RBFOX1: variants seen among roughly 807,000 people sequenced by gnomAD.
The protein encoded by RBFOX1 is RNA binding protein fox-1 homolog 1.
A neutral mutation model predicts 57.7 loss-of-function variants in RBFOX1; 8 were observed. The observed-to-expected ratio is 0.14, with a 90% confidence interval of 0.08 to 0.25. RBFOX1 has a LOEUF of 0.25. Among genes scored for constraint, RBFOX1 ranks in the 10% least tolerant of loss-of-function variants. RBFOX1 has a pLI of 1.00. For missense variants in RBFOX1, 611 were observed against 548.5 expected (o/e 1.11, Z -1.14); for synonymous variants, 326 against 222.4 (o/e 1.47, Z -4.15).
At chr16:7,586,426 A>T (rs1222430478) in intron 6 of RBFOX1, among the ~76,000 whole-genome samples, 4 of 152,228 alleles carry the variant, frequency 2.6e-5, no homozygotes, top group African/African-American at 9.6e-5. Context: ...TGGGACTTCC[A>T]GATTTCACAA....
chr16:6,395,941 C>T (rs2092812483), intron 2 of RBFOX1, among the ~76,000 whole-genome samples: 1 of 151,442 alleles, frequency 6.6e-6, no homozygotes, highest in Non-Finnish European at 1.5e-5. Context: ...TGGCGTGCAC[C>T]TGTAGTCCCA....
At chr16:6,895,462 A>G (rs1417039155) in intron 3 of RBFOX1, among the ~76,000 whole-genome samples, 14 of 94,768 alleles carry the variant, frequency 1.5e-4, no homozygotes, top group Middle Eastern at 5.8e-3. Flanking sequence ...ATATATATAT[A>G]TATATATATA....
chr16:5,718,113 T>C (rs9932047), intron 3 of RBFOX1, among the ~76,000 whole-genome samples: 15,704 of 152,254 alleles, frequency 0.1, 2,716 homozygotes, highest in African/African-American at 0.36. Flanking sequence ...AGGGCAAGCA[T>C]TTCTTTACAT....
chr16:7,002,089 G>C (rs138696733), intron 3 of RBFOX1, among the ~76,000 whole-genome samples: 52 of 148,096 alleles, frequency 3.5e-4, no homozygotes, highest in African/African-American at 1.1e-3. Context: ...GCTCTTAGAC[G>C]CTATGGAGAA....
intron 3 of RBFOX1, among the ~76,000 whole-genome samples, chr16:5,623,353 G>A (rs2048254541): frequency 6.6e-6 from 1 of 152,076 alleles, no homozygotes; most frequent in Non-Finnish European, 1.5e-5. Flanking sequence ...GCATTTTCCT[G>A]GGCCCTTCCA....
intron 4 of RBFOX1, among the ~76,000 whole-genome samples, chr16:7,296,368 C>A (rs2095890600): frequency 6.7e-6 from 1 of 149,992 alleles, no homozygotes; most frequent in Non-Finnish European, 1.5e-5. Flanking sequence ...GAATGTACTA[C>A]CTTGGCAAGA....
At position 7,160,470 on chromosome 16, in the gene RBFOX1, G is replaced by A. The variant is rs568076966; in HGVS notation, c.27+108372G>A. 4.6e-5 allele frequency among the ~76,000 whole-genome samples: 7 copies of A among 151,776 alleles called. No individual in the cohort carries two copies. The South Asian group carries it at 8.3e-4, about 18-fold the overall frequency. ...AAATAATGTACATTAAATGTGTAAC[G>A]TGCAGCATGAACTACATTTTATACA... is the stretch of plus-strand genomic sequence containing the variant. On this transcript the variant is annotated intron_variant, in intron 4 of 15. Coordinates refer to ENST00000550418, the MANE Select transcript of RBFOX1 (RefSeq NM_018723.4).
At chr16:7,317,950 A>T (rs758938922) in intron 4 of RBFOX1, among the ~76,000 whole-genome samples, 7 of 152,116 alleles carry the variant, frequency 4.6e-5, no homozygotes, top group Non-Finnish European at 7.4e-5. Flanking sequence ...TCTACTTTTG[A>T]TGCTGGAGGT....
chr16:5,689,295 A>T (rs2050597052), intron 3 of RBFOX1, among the ~76,000 whole-genome samples: 1 of 152,232 alleles, frequency 6.6e-6, no homozygotes, highest in African/African-American at 2.4e-5. Context: ...TAATGTGGGT[A>T]TCATAATGGT....
chr16:6,629,294 A>T (rs1381302641), intron 2 of RBFOX1, among the ~76,000 whole-genome samples: 1 of 152,212 alleles, frequency 6.6e-6, no homozygotes, highest in African/African-American at 2.4e-5. Context: ...CGAGCATATA[A>T]AATGTGCGAG....
intron 3 of RBFOX1, among the ~76,000 whole-genome samples, chr16:6,919,629 T>A (rs1321024868): frequency 1.3e-5 from 2 of 152,142 alleles, no homozygotes; most frequent in African/African-American, 4.8e-5. Context: ...ATCTGGAAAT[T>A]CCGTCCTTTT....
chr16:7,709,606 A>G, intron 15 of RBFOX1: 2 of 1,531,484 alleles, frequency 1.3e-6, no homozygotes, highest in Non-Finnish European at 1.7e-6. Flanking sequence ...ATTACAATTC[A>G]TGTTTAAAGT....
intron 1 of RBFOX1, among the ~76,000 whole-genome samples, chr16:6,045,935 T>C (rs1180429051): frequency 3.3e-5 from 5 of 152,282 alleles, no homozygotes; most frequent in Middle Eastern, 3.4e-3. Context: ...GATTGATTTA[T>C]TGGGGAACAG....
intron 1 of RBFOX1, among the ~76,000 whole-genome samples, chr16:6,135,033 C>T (rs1306739678): frequency 1.3e-5 from 2 of 151,806 alleles, no homozygotes; most frequent in African/African-American, 4.8e-5. Context: ...GTATGATGTT[C>T]CCCTTCCTGT....
chr16:5,449,659 A>G (rs2068360935), intron 1 of RBFOX1, among the ~76,000 whole-genome samples: 1 of 152,190 alleles, frequency 6.6e-6, no homozygotes, highest in South Asian at 2.1e-4. Context: ...GCCCAGGATG[A>G]GAACAGTGGC....
intron 4 of RBFOX1, among the ~76,000 whole-genome samples, chr16:7,179,688 A>G (rs1326850135): frequency 6.6e-6 from 1 of 151,982 alleles, no homozygotes; most frequent in African/African-American, 2.4e-5. Context: ...ATTGTCCTTC[A>G]TTTGTATATA....
At chr16:5,920,986 T>C (rs754160416) in intron 4 of RBFOX1, among the ~76,000 whole-genome samples, 6 of 129,566 alleles carry the variant, frequency 4.6e-5, no homozygotes, top group Non-Finnish European at 8.5e-5. Flanking sequence ...CTGTGTGACG[T>C]TGAGCAGGAG....
At chr16:6,713,077 G>C (rs1014602918) in intron 3 of RBFOX1, among the ~76,000 whole-genome samples, 2 of 151,860 alleles carry the variant, frequency 1.3e-5, no homozygotes, top group Non-Finnish European at 2.9e-5. Flanking sequence ...GAAACCATGA[G>C]TCTATTAAAC....
chr16:7,573,060 T>C (rs2092956119), intron 5 of RBFOX1, among the ~76,000 whole-genome samples: 1 of 151,774 alleles, frequency 6.6e-6, no homozygotes, highest in South Asian at 2.1e-4. Flanking sequence ...AAGAAATCAG[T>C]GGTCAAGGGG....
Sources: allele counts gnomAD v4.1 joint callset (sites outside exome capture counted in the v4.1 genomes callset), GRCh38; gene constraint gnomAD v4.1.1; transcripts MANE v1.5; gene names NCBI Gene and HGNC (gene_info 2026-07-23, HGNC 2026-07-21).